Variants in SAMD3 observed in about 807,000 individuals in gnomAD.
SAMD3 encodes sterile alpha motif domain-containing protein 3.
SAMD3 carries 63 observed loss-of-function variants against 58.5 expected under a neutral mutation model. That is an observed-to-expected ratio of 1.08 (90% CI 0.88 to 1.33). The LOEUF is 1.33. Among genes scored for constraint, SAMD3 ranks in the 40% most tolerant of loss-of-function variants. The pLI, the probability that SAMD3 is intolerant of heterozygous loss-of-function variation, is 0.00. For missense variants in SAMD3, 604 were observed against 608.4 expected (o/e 0.99, Z 0.08); for synonymous variants, 220 against 210.3 (o/e 1.05, Z -0.40).
chr6:130,185,389 C>A (rs988776096), intron 5 of SAMD3, among the ~76,000 whole-genome samples: 1 of 151,866 alleles, frequency 6.6e-6, no homozygotes, highest in South Asian at 2.1e-4. Context: ...AGTGCAGTGG[C>A]ACGATCTCAG....
At chr6:130,305,152 T>G (rs535160821) in intron 2 of SAMD3, among the ~76,000 whole-genome samples, 1 of 152,178 alleles carries the variant, frequency 6.6e-6, no homozygotes, top group Admixed American at 6.6e-5. Flanking sequence ...CGCAGGCTGG[T>G]CTTGAACTCC....
At chr6:130,250,115 T>A (rs1395352641) in intron 2 of SAMD3, among the ~76,000 whole-genome samples, 2 of 152,116 alleles carry the variant, frequency 1.3e-5, no homozygotes, top group Admixed American at 6.5e-5. Flanking sequence ...CAGCTATGGG[T>A]GTAGACTGGA....
intron 1 of SAMD3, among the ~76,000 whole-genome samples, chr6:130,360,226 G>A (rs994997833): frequency 6.6e-6 from 1 of 152,204 alleles, no homozygotes; most frequent in South Asian, 2.1e-4. Context: ...AGATTATCAG[G>A]TTTGAAGTTT....
chr6:130,244,280 G>T (rs1035139289), intron 2 of SAMD3, among the ~76,000 whole-genome samples: 7 of 152,298 alleles, frequency 4.6e-5, no homozygotes, highest in Admixed American at 1.3e-4. Flanking sequence ...AAATGATTGA[G>T]AAACTTCTCA....
intron 1 of SAMD3, among the ~76,000 whole-genome samples, chr6:130,332,046 G>T (rs1026495294): frequency 6.6e-6 from 1 of 152,192 alleles, no homozygotes; most frequent in Non-Finnish European, 1.5e-5. Context: ...TTAGTTAGGA[G>T]GCTATGGCAG....
intron 2 of SAMD3, among the ~76,000 whole-genome samples, chr6:130,303,653 C>T (rs772501212): frequency 1.3e-5 from 2 of 152,154 alleles, no homozygotes; most frequent in Non-Finnish European, 2.9e-5. Context: ...TGCAAAAACA[C>T]ATCTGGAATC....
At chr6:130,305,250 T>C (rs1008922595) in intron 2 of SAMD3, among the ~76,000 whole-genome samples, 4 of 152,256 alleles carry the variant, frequency 2.6e-5, no homozygotes, top group African/African-American at 9.6e-5. Context: ...TGAAGTAGAT[T>C]TATTTACATT....
At chr6:130,358,499 C>T (rs1262121356) in intron 1 of SAMD3, among the ~76,000 whole-genome samples, 5 of 152,286 alleles carry the variant, frequency 3.3e-5, no homozygotes, top group Admixed American at 3.3e-4. Flanking sequence ...TATCAGTAAG[C>T]TCCATCTGAC....
intron 1 of SAMD3, among the ~76,000 whole-genome samples, chr6:130,331,044 T>G (rs958825406): frequency 6.6e-6 from 1 of 152,342 alleles, no homozygotes; most frequent in South Asian, 2.1e-4. Flanking sequence ...GAAATTAACT[T>G]AAGCCATGAC....
upstream of SAMD3, among the ~76,000 whole-genome samples, chr6:130,223,285 G>C (rs1796288151): frequency 6.6e-6 from 1 of 152,128 alleles, no homozygotes. Context: ...GTGTCTTGAG[G>C]CTTCATTTTC....
chr6:130,338,825 C>G (rs1777179674), intron 1 of SAMD3, among the ~76,000 whole-genome samples: 1 of 152,156 alleles, frequency 6.6e-6, no homozygotes, highest in South Asian at 2.1e-4. Context: ...AACTAACTTG[C>G]TTTTGATTTT....
intron 1 of SAMD3, among the ~76,000 whole-genome samples, chr6:130,335,524 G>A (rs954179386): frequency 1.3e-5 from 2 of 152,144 alleles, no homozygotes; most frequent in African/African-American, 4.8e-5. Flanking sequence ...ATCAAAGCTG[G>A]GGTTTTGTAA....
intron 8 of SAMD3, chr6:130,160,120 C>G (rs918156548): frequency 1.3e-5 from 2 of 152,148 alleles, no homozygotes; most frequent in South Asian, 4.1e-4. Context: ...CCAGCAAATC[C>G]ACTCCTAAGT....
chr6:130,213,117 G>A (rs1795707678), intron 4 of SAMD3, among the ~76,000 whole-genome samples: 1 of 151,864 alleles, frequency 6.6e-6, no homozygotes, highest in Non-Finnish European at 1.5e-5. Context: ...ACCACCATTT[G>A]TTTAAAAAAT....
intron 4 of SAMD3, among the ~76,000 whole-genome samples, chr6:130,210,921 C>A (rs376925858): frequency 4.7e-4 from 72 of 152,086 alleles, no homozygotes; most frequent in African/African-American, 1.7e-3. Flanking sequence ...GAGATTAAGA[C>A]CATCCTGGCT....
intron 7 of SAMD3, chr6:130,183,075 C>A: frequency 3.3e-6 from 1 of 298,910 alleles, no homozygotes. Flanking sequence ...AGACAGTGGT[C>A]TTTGAAATCC....
intron 8 of SAMD3, among the ~76,000 whole-genome samples, chr6:130,162,565 C>G (rs754889837): frequency 6.6e-6 from 1 of 152,114 alleles, no homozygotes; most frequent in African/African-American, 2.4e-5. Flanking sequence ...TTGTCGTGAA[C>G]TCCTGGGCTC....
rs1337527108 is a variant in SAMD3 at position 130,154,712 on chromosome 6, AAAAAAAATATAT to A, written c.1023+101_1023+112del. ...CTCTGTCTGAAAAAAAAAAAAAAAA[AAAAAAAATATAT>A]ATATATATATATATATATGTATGTA... On this transcript the variant is annotated intron_variant, in intron 9 of 11. Transcript: ENST00000439090. 1.9e-3 allele frequency: 201 copies of A among 104,980 alleles called. 1 individual carries two copies. Among genetic ancestry groups the A allele is most frequent in the African/African-American group, 8.2e-3 (184 of 22,464 alleles). The allele number at this position is 104,980 out of a possible 1,614,324, so 6.5% of individuals were successfully genotyped here.
chr6:130,147,515 A>G (rs1387264318), intron 9 of SAMD3, among the ~76,000 whole-genome samples: 2 of 152,244 alleles, frequency 1.3e-5, no homozygotes, highest in Admixed American at 6.5e-5. Flanking sequence ...AATAATTTCA[A>G]GTTTGCATTA....
Sources: gnomAD v4.1 joint callset for allele counts (sites outside exome capture counted in the v4.1 genomes callset) on GRCh38, gnomAD v4.1.1 for gene constraint, MANE v1.5 for transcripts, NCBI Gene and HGNC (gene_info 2026-07-23, HGNC 2026-07-21) for gene names.